CALN1: variants seen among roughly 807,000 people sequenced by gnomAD.
CALN1 encodes calcium-binding protein 8.
In CALN1, 17 loss-of-function variants were observed where a neutral mutation model predicts 30.6. The observed-to-expected ratio is 0.56, with a 90% CI of 0.38 to 0.83. The LOEUF (loss-of-function observed/expected upper bound fraction) is 0.83, where lower values mean the gene tolerates loss of function less well. Ranked by LOEUF, CALN1 falls within the 40% of genes least tolerant of loss-of-function variation. The pLI, the probability that CALN1 is intolerant of heterozygous loss-of-function variation, is 0.00. For synonymous variants in CALN1, 156 were observed against 131.4 expected, an observed-to-expected ratio of 1.19 and a Z score of -1.28; for missense variants, 291 against 354.9, an observed-to-expected ratio of 0.82 and a Z score of 1.45.
the CALN1 span, among the ~76,000 whole-genome samples, chr7:72,473,508 G>T: frequency 1.3e-5 from 2 of 152,122 alleles, no homozygotes; most frequent in Non-Finnish European, 2.9e-5. Context: ...ATAATTTTCA[G>T]AAAGTTAATA....
intron 5 of CALN1, among the ~76,000 whole-genome samples, chr7:71,916,584 C>T (rs1333435229): frequency 6.6e-6 from 1 of 152,054 alleles, no homozygotes; most frequent in African/African-American, 2.4e-5. Context: ...AAACCAAATA[C>T]CACATGTTCC....
chr7:72,259,575 G>A (rs371844483), intron 3 of CALN1, among the ~76,000 whole-genome samples: 5 of 152,088 alleles, frequency 3.3e-5, no homozygotes, highest in Non-Finnish European at 5.9e-5. Flanking sequence ...TAAGCTAAGC[G>A]GGAATCCCAC....
chr7:72,472,286 G>A, the CALN1 span, among the ~76,000 whole-genome samples: 1 of 152,182 alleles, frequency 6.6e-6, no homozygotes, highest in East Asian at 1.9e-4. Flanking sequence ...TCCTTGTTGA[G>A]CAAGTGGATG....
chr7:72,177,330 G>A (rs918042112), intron 3 of CALN1, among the ~76,000 whole-genome samples: 14 of 152,074 alleles, frequency 9.2e-5, no homozygotes, highest in Admixed American at 7.9e-4. Flanking sequence ...AGACATCCCG[G>A]GCTATGTCAT....
chr7:72,124,137 G>C (rs901968550), intron 3 of CALN1, among the ~76,000 whole-genome samples: 4 of 152,120 alleles, frequency 2.6e-5, no homozygotes, highest in Admixed American at 2.6e-4. Context: ...AAGAGACAGC[G>C]ACCTGGCTCA....
chr7:72,397,653 C>T (rs1392340152), intron 2 of CALN1, among the ~76,000 whole-genome samples: 1 of 151,178 alleles, frequency 6.6e-6, no homozygotes, highest in African/African-American at 2.4e-5. Flanking sequence ...TACCAGTAGC[C>T]TCTTCAAGTG....
At chr7:72,062,597 G>A (rs1413059742) in intron 4 of CALN1, among the ~76,000 whole-genome samples, 1 of 151,400 alleles carries the variant, frequency 6.6e-6, no homozygotes, top group Non-Finnish European at 1.5e-5. Flanking sequence ...CCAAATATAT[G>A]GGTAAATATA....
intron 3 of CALN1, among the ~76,000 whole-genome samples, chr7:72,262,894 T>A (rs1404001768): frequency 6.6e-6 from 1 of 151,946 alleles, no homozygotes; most frequent in Non-Finnish European, 1.5e-5. Context: ...AGTGGGGGAG[T>A]AGGAAAGGTA....
At chr7:72,204,010 G>GTCTCAAAAAAAAAAAAAAAAAAAAAAAA (rs1791645054) in intron 3 of CALN1, among the ~76,000 whole-genome samples, 1 of 11,906 alleles carries the variant, frequency 8.4e-5, no homozygotes, top group African/African-American at 3.6e-4. Flanking sequence ...TTTTTTTTTT[G>GTCTCAAAAAAAAAAAAAAAAAAAAAAAA]AGACAGAGTC....
chr7:71,863,621 G>A (rs925657311), intron 5 of CALN1, among the ~76,000 whole-genome samples: 3 of 139,302 alleles, frequency 2.2e-5, no homozygotes, highest in African/African-American at 7.9e-5. Context: ...ACCCATACAA[G>A]CAACTAGCTT....
intron 1 of CALN1, among the ~76,000 whole-genome samples, chr7:72,437,902 C>A (rs1808225592): frequency 6.8e-6 from 1 of 146,728 alleles, no homozygotes; most frequent in South Asian, 2.2e-4. Context: ...CTCCCTCCCT[C>A]CCTCCTTCCC....
intron 3 of CALN1, among the ~76,000 whole-genome samples, chr7:72,182,799 A>T (rs574621075): frequency 6.6e-6 from 1 of 151,928 alleles, no homozygotes. Context: ...AATAGAAAAG[A>T]CGTTCTAGAT....
intron 5 of CALN1, among the ~76,000 whole-genome samples, chr7:72,004,393 A>G (rs1414502330): frequency 6.6e-6 from 1 of 152,228 alleles, no homozygotes; most frequent in East Asian, 1.9e-4. Flanking sequence ...TAAATTCTGG[A>G]TCATGGACTT....
At chr7:72,332,579 T>C (rs1479358223) in intron 2 of CALN1, among the ~76,000 whole-genome samples, 1 of 152,076 alleles carries the variant, frequency 6.6e-6, no homozygotes, top group Non-Finnish European at 1.5e-5. Flanking sequence ...GATCATTTAC[T>C]TCCATAGCAT....
intron 5 of CALN1, among the ~76,000 whole-genome samples, chr7:71,912,098 GACTA>G (rs769082855): frequency 5.3e-5 from 8 of 152,002 alleles, no homozygotes; most frequent in South Asian, 2.1e-4. Context: ...TTCAATCCAG[GACTA>G]ACTAAGTAGG....
In CALN1 at chr7:72,257,405, A is replaced by G. The variant is rs565746494; in HGVS notation, c.244+21281T>C. On this transcript the variant is annotated intron_variant, in intron 3 of 6. Coordinates refer to ENST00000395275, the MANE Select transcript of CALN1 (RefSeq NM_031468.4). ...CAAGGGAAATGAAAATTAAAACCACAATGAGATGCCACCTTACTCTTGTAA... is the reference window on the plus strand; with the variant it reads ...CAAGGGAAATGAAAATTAAAACCACGATGAGATGCCACCTTACTCTTGTAA... 1.1e-3 allele frequency among the ~76,000 whole-genome samples: 167 copies of G among 152,258 alleles called. 2 individuals carry two copies. Among genetic ancestry groups the G allele is most frequent in the African/African-American group, 3.7e-3 (155 of 41,542 alleles).
At chr7:72,236,988 ATT>A (rs1397656751) in intron 3 of CALN1, among the ~76,000 whole-genome samples, 1 of 140,274 alleles carries the variant, frequency 7.1e-6, no homozygotes, top group Non-Finnish European at 1.6e-5. Context: ...TTCTATTTTT[ATT>A]TTTTTTTTTT....
chr7:72,099,133 G>A (rs1041079047), intron 4 of CALN1, among the ~76,000 whole-genome samples: 15 of 152,234 alleles, frequency 9.9e-5, no homozygotes, highest in Non-Finnish European at 2.1e-4. Context: ...TGGTGTGTGG[G>A]CCAGACCTGC....
intron 4 of CALN1, among the ~76,000 whole-genome samples, chr7:72,027,991 G>A (rs1365248232): frequency 2.7e-5 from 4 of 148,790 alleles, no homozygotes; most frequent in South Asian, 4.3e-4. Flanking sequence ...CCCGGGAGGC[G>A]GAGCTTGCAG....
Sources: allele counts gnomAD v4.1 joint callset (sites outside exome capture counted in the v4.1 genomes callset), GRCh38; gene constraint gnomAD v4.1.1; transcripts MANE v1.5; gene names NCBI Gene and HGNC (gene_info 2026-07-23, HGNC 2026-07-21).